Variants in PRELID2 observed in about 807,000 individuals in gnomAD.
The protein encoded by PRELID2 is PRELI domain containing 2, also known as PRELI domain-containing protein 2.
PRELID2 carries 25 observed loss-of-function variants against 28.4 expected under a neutral mutation model. That is an observed-to-expected ratio of 0.88 (90% CI 0.64 to 1.23). The LOEUF (loss-of-function observed/expected upper bound fraction) is 1.23, where lower values mean the gene tolerates loss of function less well. PRELID2 is among the 50% of genes most tolerant of loss of function. PRELID2 has a pLI of 0.00. For synonymous variants in PRELID2, 76 were observed against 71.6 expected, an observed-to-expected ratio of 1.06 and a Z score of -0.31; for missense variants, 201 against 214.4, an observed-to-expected ratio of 0.94 and a Z score of 0.39.
chr5:145,461,761 A>T, the PRELID2 span, among the ~76,000 whole-genome samples: 1 of 152,252 alleles, frequency 6.6e-6, no homozygotes, highest in African/African-American at 2.4e-5. Flanking sequence ...TAAGATTAGT[A>T]TCAGGTGGAT....
At chr5:145,606,392 T>C (rs1384651297) in intron 1 of PRELID2, among the ~76,000 whole-genome samples, 1 of 152,186 alleles carries the variant, frequency 6.6e-6, no homozygotes, top group East Asian at 1.9e-4. Flanking sequence ...CAGTATGATA[T>C]TGGCTGTGGG....
chr5:145,756,562 T>C lies in PRELID2; in HGVS notation c.*3974A>G, dbSNP rs2149756319. On this transcript the variant is annotated 3_prime_UTR_variant, in exon 7 of 7. Transcript: ENST00000683046. ...CACAGCTGGGGGAGACAATGGTTTA[T>C]TGATCAAGAGAAATTATTTCTAGCA... Among the ~76,000 whole-genome samples the C allele has an allele frequency of 6.6e-6, 1 of 152,322 alleles. No individual in the cohort carries two copies. Among genetic ancestry groups the C allele is most frequent in the South Asian group, 2.1e-4 (1 of 4,824 alleles).
intron 1 of PRELID2, among the ~76,000 whole-genome samples, chr5:145,724,605 ATATATATATATATATATATAT>A (rs1756084461): frequency 1.2e-5 from 1 of 82,622 alleles, no homozygotes; most frequent in African/African-American, 4.0e-5. Context: ...AAATAAATAT[ATATATATATATATATATATAT>A]ATATATATAT....
chr5:145,229,090 T>C, the PRELID2 span: 1 of 1,518,124 alleles, frequency 6.6e-7, no homozygotes. Flanking sequence ...GGTACTTCTC[T>C]CACCAGGCCC....
chr5:145,655,601 C>T (rs1294281919), intron 1 of PRELID2, among the ~76,000 whole-genome samples: 2 of 152,188 alleles, frequency 1.3e-5, no homozygotes, highest in East Asian at 3.8e-4. Context: ...TACCACACAT[C>T]TACAACCATC....
the PRELID2 span, among the ~76,000 whole-genome samples, chr5:145,366,815 C>T: frequency 6.6e-6 from 1 of 151,786 alleles, no homozygotes; most frequent in South Asian, 2.1e-4. Context: ...CATAGATGCT[C>T]CATTTTCTAA....
At chr5:145,411,093 C>T in the PRELID2 span, among the ~76,000 whole-genome samples, 4 of 152,128 alleles carry the variant, frequency 2.6e-5, no homozygotes, top group Admixed American at 6.6e-5. Flanking sequence ...TGTTTTCATG[C>T]TGCTGATAAA....
At chr5:145,717,638 C>T (rs1215828447) in intron 1 of PRELID2, among the ~76,000 whole-genome samples, 3 of 150,968 alleles carry the variant, frequency 2.0e-5, no homozygotes, top group Non-Finnish European at 4.4e-5. Flanking sequence ...GATACAATTA[C>T]AATTTTATTT....
chr5:145,302,249 C>T, the PRELID2 span, among the ~76,000 whole-genome samples: 1 of 151,842 alleles, frequency 6.6e-6, no homozygotes, highest in Non-Finnish European at 1.5e-5. Context: ...AAGGCTTCTG[C>T]CTCCTGGGTT....
At chr5:145,408,395 T>TTA in the PRELID2 span, among the ~76,000 whole-genome samples, 4,519 of 129,144 alleles carry the variant, frequency 0.035, 124 homozygotes, top group Admixed American at 0.094. Flanking sequence ...TTAAAGAAAT[T>TTA]TATATATATA....
chr5:145,785,630 A>G (rs192572722), intron 5 of PRELID2, among the ~76,000 whole-genome samples: 1 of 152,322 alleles, frequency 6.6e-6, no homozygotes, highest in Admixed American at 6.5e-5. Flanking sequence ...TAGCACAAGG[A>G]ATGTTAAAAT....
chr5:145,250,346 A>C, the PRELID2 span, among the ~76,000 whole-genome samples: 3 of 152,132 alleles, frequency 2.0e-5, no homozygotes, highest in African/African-American at 7.2e-5. Context: ...TATTTGTAAG[A>C]AGCTTATTCT....
chr5:145,640,386 G>A (rs1406120389), intron 1 of PRELID2, among the ~76,000 whole-genome samples: 3 of 150,842 alleles, frequency 2.0e-5, no homozygotes, highest in Admixed American at 6.6e-5. Flanking sequence ...TGAGGCAGGA[G>A]AATGGCGTGA....
At chr5:145,410,258 G>A in the PRELID2 span, among the ~76,000 whole-genome samples, 40 of 152,246 alleles carry the variant, frequency 2.6e-4, no homozygotes, top group South Asian at 6.0e-3. Context: ...TAGGCAAATA[G>A]TTTATGACCA....
intron 1 of PRELID2, among the ~76,000 whole-genome samples, chr5:145,606,337 T>C (rs1284061077): frequency 6.6e-6 from 1 of 152,130 alleles, no homozygotes; most frequent in Non-Finnish European, 1.5e-5. Context: ...TGAATCCTTG[T>C]CTTGTTCCAG....
At chr5:145,331,916 C>G in the PRELID2 span, among the ~76,000 whole-genome samples, 66 of 152,216 alleles carry the variant, frequency 4.3e-4, no homozygotes, top group African/African-American at 1.5e-3. Flanking sequence ...ACTTGTTTTT[C>G]TTTTCCATAT....
chr5:145,671,677 C>A (rs2149683403), intron 1 of PRELID2, among the ~76,000 whole-genome samples: 1 of 152,254 alleles, frequency 6.6e-6, no homozygotes, highest in East Asian at 1.9e-4. Flanking sequence ...TTAGAATGTT[C>A]TTTCCCACTA....
the PRELID2 span, among the ~76,000 whole-genome samples, chr5:145,409,382 G>A: frequency 2.6e-5 from 4 of 152,194 alleles, no homozygotes; most frequent in Non-Finnish European, 5.9e-5. Context: ...CAATACTAAC[G>A]TTGAATGTAA....
At chr5:145,388,634 T>A in the PRELID2 span, among the ~76,000 whole-genome samples, 1 of 152,186 alleles carries the variant, frequency 6.6e-6, no homozygotes, top group Non-Finnish European at 1.5e-5. Context: ...TATTCTCCTT[T>A]AAGCACATTG....
Sources: gnomAD v4.1 joint callset for allele counts (sites outside exome capture counted in the v4.1 genomes callset) on GRCh38, gnomAD v4.1.1 for gene constraint, MANE v1.5 for transcripts, NCBI Gene and HGNC (gene_info 2026-07-23, HGNC 2026-07-21) for gene names.